SECISBP2L: variants seen among roughly 807,000 people sequenced by gnomAD.
SECISBP2L encodes selenocysteine insertion sequence-binding protein 2-like.
A neutral mutation model predicts 114.7 loss-of-function variants in SECISBP2L; 43 were observed. The ratio of observed to expected loss-of-function variants is 0.38; its 90% CI spans 0.29 to 0.48. The LOEUF (loss-of-function observed/expected upper bound fraction) is 0.48. SECISBP2L is among the 20% of genes least tolerant of loss of function. The probability of loss-of-function intolerance (pLI) is 0.98; values close to 1 mark genes in which losing one functional copy is unlikely to be tolerated. For synonymous variants in SECISBP2L, 451 were observed against 439.7 expected (o/e 1.03, Z -0.32); for missense variants, 1,136 against 1,301.1 (o/e 0.87, Z 1.95).
intron 11 of SECISBP2L, chr15:49,013,089 T>C: frequency 3.4e-6 from 1 of 291,468 alleles, no homozygotes; most frequent in Non-Finnish European, 6.3e-6. Flanking sequence ...AACATGGCAA[T>C]TCCTTGCAAC....
intron 16 of SECISBP2L, among the ~76,000 whole-genome samples, chr15:48,997,490 A>C (rs1902118802): frequency 6.6e-6 from 1 of 152,204 alleles, no homozygotes; most frequent in Non-Finnish European, 1.5e-5. Context: ...GAGCTAAAAA[A>C]CCAGATGTTC....
At chr15:49,038,280 G>GA (rs1195537520) in intron 1 of SECISBP2L, among the ~76,000 whole-genome samples, 1 of 151,988 alleles carries the variant, frequency 6.6e-6, no homozygotes, top group Non-Finnish European at 1.5e-5. Context: ...ACATTAACAA[G>GA]AAAAAATCTG....
rs763886585 is a variant in SECISBP2L at position 49,037,778 on chromosome 15, A to T, written c.25-9T>A. The T allele has an allele frequency of 6.3e-7, 1 of 1,591,190 alleles. No individual in the cohort carries two copies. Among genetic ancestry groups the T allele is most frequent in the South Asian group, 1.1e-5 (1 of 87,208 alleles). On this transcript the variant is annotated splice_polypyrimidine_tract_variant and intron_variant, in intron 1 of 17. Transcript: ENST00000559471. ...GCTGACAGCTTGACATTCTTCAAAGAGAAAGTAGAATACATTAATAACAAA... is the reference window on the plus strand; with the variant it reads ...GCTGACAGCTTGACATTCTTCAAAGTGAAAGTAGAATACATTAATAACAAA...
intron 2 of SECISBP2L, among the ~76,000 whole-genome samples, chr15:49,036,068 T>C (rs1287352172): frequency 6.6e-6 from 1 of 152,236 alleles, no homozygotes; most frequent in Admixed American, 6.5e-5. Flanking sequence ...GTGACCATTG[T>C]GTAAGGTGAT....
intron 1 of SECISBP2L, among the ~76,000 whole-genome samples, chr15:49,039,514 C>CT (rs200349293): frequency 1.7e-4 from 25 of 144,162 alleles, no homozygotes; most frequent in African/African-American, 2.3e-4. Flanking sequence ...TTTAGGATTT[C>CT]TTTTTTTTTT....
intron 7 of SECISBP2L, among the ~76,000 whole-genome samples, chr15:49,024,774 C>T (rs1170632051): frequency 6.6e-6 from 1 of 152,092 alleles, no homozygotes; most frequent in African/African-American, 2.4e-5. Flanking sequence ...GACTCTGCAT[C>T]TCAAAAATCA....
intron 6 of SECISBP2L, 121 bp downstream of exon 6, chr15:49,028,023 T>G (rs968831207): frequency 1.1e-6 from 1 of 872,980 alleles, no homozygotes; most frequent in Non-Finnish European, 1.8e-6. Flanking sequence ...CAAATTACCT[T>G]GAATCTCTGG....
In SECISBP2L at chr15:48,992,330, C is replaced by A; in HGVS notation, c.3220G>T (p.Ala1074Ser). 6.2e-7 allele frequency: 1 copy of A among 1,614,140 alleles called. No homozygotes were observed. Among genetic ancestry groups the A allele is most frequent in the Non-Finnish European group, 8.5e-7 (1 of 1,180,022 alleles). The change falls in exon 18 of 18, where the codon GCC (alanine) becomes TCC (serine). Residue 1074 changes from alanine to serine, a missense_variant. Physicochemically the swap from Ala to Ser is moderately conservative, Grantham distance 99. This residue lies in a region of SECISBP2L where 684 missense variants were observed against 848.7 expected (regional missense o/e 0.81). Coordinates refer to ENST00000559471, the MANE Select transcript of SECISBP2L (RefSeq NM_001193489.2). ...DSEAWTADQQ[A>S]SPGQQKSSNC... is the part of the protein sequence containing the mutation. ...CTGGACTTCTGCTGCCCAGGACTGG[C>A]CTGCTGGTCAGCAGTCCATGCCTCA... is the stretch of plus-strand genomic sequence containing the variant.
At chr15:48,994,841 G>GAAA (rs1566850627) in intron 17 of SECISBP2L, among the ~76,000 whole-genome samples, 1,487 of 108,766 alleles carry the variant, frequency 0.014, 23 homozygotes, top group Middle Eastern at 0.032. Context: ...TAAGTGCTGG[G>GAAA]GAAAAAAAAA....
At chr15:49,000,819 T>G (rs1446515281) in intron 15 of SECISBP2L, 58 bp downstream of exon 15, 2 of 1,366,436 alleles carry the variant, frequency 1.5e-6, no homozygotes, top group Admixed American at 2.2e-5. Context: ...CTACTTTATA[T>G]TCACTGTATA....
chr15:48,992,904 C>T lies in SECISBP2L; in HGVS notation c.2646G>A (p.Val882=), dbSNP rs766809747. ...ATGCTTCCAGTCCATCTGAAGTTTC[C>T]ACCATGTTTCTCCAATTTGTTTCTA... ...KEYETNWRNM[V]ETSDGLEASE... is the part of the protein sequence containing the mutation. The change falls in exon 18 of 18, where the codon GTG becomes GTA. Residue 882 remains valine (V), a synonymous_variant. Transcript: ENST00000559471. The T allele has an allele frequency of 3.7e-6, 6 of 1,612,224 alleles. No individual in the cohort carries two copies. Among genetic ancestry groups the T allele is most frequent in the Non-Finnish European group, 5.1e-6 (6 of 1,178,706 alleles).
At chr15:48,997,260 G>A (rs1464066325) in intron 16 of SECISBP2L, among the ~76,000 whole-genome samples, 1 of 152,198 alleles carries the variant, frequency 6.6e-6, no homozygotes, top group Non-Finnish European at 1.5e-5. Flanking sequence ...AGTGTATTCT[G>A]AGTGATGTTC....
At chr15:48,998,092 A>C (rs1422980125) in intron 16 of SECISBP2L, among the ~76,000 whole-genome samples, 1 of 152,212 alleles carries the variant, frequency 6.6e-6, no homozygotes, top group East Asian at 1.9e-4. Context: ...TCAAAGAATT[A>C]AACATAACCT....
chr15:48,992,784 T>C lies in SECISBP2L; in HGVS notation c.2766A>G (p.Ser922=). 1 of 1,614,202 alleles carries C rather than the reference T, an allele frequency of 6.2e-7. No individual in the cohort carries two copies. Among genetic ancestry groups the C allele is most frequent in the Non-Finnish European group, 8.5e-7 (1 of 1,180,044 alleles). Reference sequence around the variant, plus strand: ...AGGTAGTACTGCCTGTAGCCACTAATGATGGCTGCTTACCAATTGGGGGTG... The same window carrying C: ...AGGTAGTACTGCCTGTAGCCACTAACGATGGCTGCTTACCAATTGGGGGTG... ...FDTPPIGKQP[S]LVATGSTTSA... Residue 922 remains serine, a synonymous_variant, in exon 18 of 18, where the codon TCA becomes TCG. Transcript: ENST00000559471.
At chr15:49,007,704 T>C (rs1595785272) in intron 14 of SECISBP2L, among the ~76,000 whole-genome samples, 1 of 152,380 alleles carries the variant, frequency 6.6e-6, no homozygotes, top group East Asian at 1.9e-4. Flanking sequence ...AAGATGCTTC[T>C]AGTAGGAAAT....
At chr15:49,002,057 C>T (rs1343476950) in intron 14 of SECISBP2L, 1 of 152,172 alleles carries the variant, frequency 6.6e-6, no homozygotes. Flanking sequence ...AATGGTTGAA[C>T]TAATTTACAC....
intron 16 of SECISBP2L, 64 bp downstream of exon 16, chr15:48,999,769 T>G: frequency 6.4e-7 from 1 of 1,560,932 alleles, no homozygotes. Flanking sequence ...CATATGTCAA[T>G]CGAAAAATGT....
At position 48,999,955 on chromosome 15, in the gene SECISBP2L, C is replaced by T. The variant is rs751490644; in HGVS notation, c.2281G>A (p.Ala761Thr). The T allele has an allele frequency of 6.2e-7, 1 of 1,613,940 alleles. No homozygotes were observed. The highest frequency in any genetic ancestry group is 1.1e-5 in the South Asian group (1 of 91,056). The change falls in exon 16 of 18, where the codon GCC (alanine) becomes ACC (threonine). Residue 761 changes from alanine to threonine, a missense_variant. Physicochemically the swap from Ala to Thr is moderately conservative, Grantham distance 58. Coordinates refer to ENST00000559471, the MANE Select transcript of SECISBP2L (RefSeq NM_001193489.2). ...GLDEALYNVI[A>T]MAREQEIPFV... Reference sequence around the variant, plus strand: ...GGAATTTCTTGTTCCCGTGCCATGGCTATAACATTATAGAGAGCCTCATCC... The same window carrying T: ...GGAATTTCTTGTTCCCGTGCCATGGTTATAACATTATAGAGAGCCTCATCC...
chr15:49,040,398 C>T (rs891174695), intron 1 of SECISBP2L, among the ~76,000 whole-genome samples: 1 of 152,080 alleles, frequency 6.6e-6, no homozygotes, highest in Admixed American at 6.6e-5. Flanking sequence ...CAAACTTTCT[C>T]CTATAGCTAC....
Sources: allele counts gnomAD v4.1 joint callset (sites outside exome capture counted in the v4.1 genomes callset), GRCh38; gene constraint gnomAD v4.1.1; regional missense constraint gnomAD v4.1.1; transcripts MANE v1.5; gene names NCBI Gene and HGNC (gene_info 2026-07-23, HGNC 2026-07-21).